Variants in BCKDHB observed in about 807,000 individuals in gnomAD.
The protein encoded by BCKDHB is 2-oxoisovalerate dehydrogenase subunit beta, mitochondrial.
In BCKDHB, 41 loss-of-function variants were observed where a neutral mutation model predicts 48.5. That is an observed-to-expected ratio of 0.85 (90% CI 0.66 to 1.10). The LOEUF is 1.10. BCKDHB is among the 50% of genes least tolerant of loss of function. The probability of loss-of-function intolerance (pLI) is 0.00; values close to 1 mark genes in which losing one functional copy is unlikely to be tolerated. For synonymous variants in BCKDHB, 201 were observed against 174.8 expected (o/e 1.15, Z -1.18); for missense variants, 496 against 494.2 (o/e 1.00, Z -0.03).
chr6:80,401,788 T>A, the BCKDHB span, among the ~76,000 whole-genome samples: 1 of 152,012 alleles, frequency 6.6e-6, no homozygotes, highest in Non-Finnish European at 1.5e-5. Context: ...CTTCTGTGAG[T>A]TTGAATATTT....
At chr6:80,235,714 C>T (rs1776121034) in intron 8 of BCKDHB, among the ~76,000 whole-genome samples, 1 of 152,184 alleles carries the variant, frequency 6.6e-6, no homozygotes, top group Admixed American at 6.5e-5. Context: ...TACCAATTCT[C>T]CTTGCAGTTG....
At chr6:80,309,428 CTTTTTCT>C (rs1768044660) in intron 9 of BCKDHB, among the ~76,000 whole-genome samples, 2 of 152,146 alleles carry the variant, frequency 1.3e-5, no homozygotes, top group Non-Finnish European at 2.9e-5. Context: ...ATTCTGTGTA[CTTTTTCT>C]GTCTCATACT....
intron 9 of BCKDHB, among the ~76,000 whole-genome samples, chr6:80,330,239 C>T (rs1769256110): frequency 6.6e-6 from 1 of 151,944 alleles, no homozygotes; most frequent in Non-Finnish European, 1.5e-5. Context: ...GGGACATGAT[C>T]AAAATGGCAC....
At chr6:80,439,359 G>A in the BCKDHB span, among the ~76,000 whole-genome samples, 1 of 152,142 alleles carries the variant, frequency 6.6e-6, no homozygotes, top group East Asian at 1.9e-4. Flanking sequence ...GCAAATCCAG[G>A]AGAAGATAGA....
intron 3 of BCKDHB, among the ~76,000 whole-genome samples, chr6:80,144,795 C>T (rs1771398283): frequency 6.6e-6 from 1 of 152,062 alleles, no homozygotes; most frequent in Non-Finnish European, 1.5e-5. Context: ...AAATTTGTTC[C>T]CAATTTTACC....
the BCKDHB span, among the ~76,000 whole-genome samples, chr6:80,393,808 CTT>C: frequency 5.9e-5 from 9 of 152,324 alleles, no homozygotes; most frequent in African/African-American, 2.2e-4. Flanking sequence ...TGAACCACTT[CTT>C]TCCTGGACCT....
chr6:80,174,463 C>A lies in BCKDHB; in HGVS notation c.742+3073C>A, dbSNP rs79211644. 9.3e-3 allele frequency among the ~76,000 whole-genome samples: 1,422 copies of A among 152,160 alleles called. 30 individuals are homozygous for A. The highest frequency in any genetic ancestry group is 0.033 in the African/African-American group (1,354 of 41,524). On this transcript the variant is annotated intron_variant, in intron 6 of 9. Coordinates refer to ENST00000320393, the MANE Select transcript of BCKDHB (RefSeq NM_183050.4). ...CAAGTCCCATGGCTGGCCTGTGGAA[C>A]GTGCATGTACAAAAAGTTGGCCCTC...
intron 8 of BCKDHB, among the ~76,000 whole-genome samples, chr6:80,215,480 A>G (rs1775127668): frequency 6.6e-6 from 1 of 152,208 alleles, no homozygotes; most frequent in Non-Finnish European, 1.5e-5. Context: ...TTTGTGTATT[A>G]TGTTCATTGC....
chr6:80,152,482 A>T (rs1304381210), intron 3 of BCKDHB, among the ~76,000 whole-genome samples: 1 of 152,154 alleles, frequency 6.6e-6, no homozygotes, highest in Non-Finnish European at 1.5e-5. Context: ...TTAAATAGTC[A>T]CTTAAATGAG....
chr6:80,361,113 ATC>A, the BCKDHB span, among the ~76,000 whole-genome samples: 1 of 152,054 alleles, frequency 6.6e-6, no homozygotes, highest in South Asian at 2.1e-4. Context: ...GCCTCCCGGT[ATC>A]TCTCTATCCT....
At chr6:80,341,792 G>A (rs1420672118) in intron 9 of BCKDHB, among the ~76,000 whole-genome samples, 2 of 152,128 alleles carry the variant, frequency 1.3e-5, no homozygotes, top group Non-Finnish European at 2.9e-5. Flanking sequence ...AGTATTCAGG[G>A]AAGATGGAAA....
chr6:80,316,271 C>T (rs1447141190), intron 9 of BCKDHB, among the ~76,000 whole-genome samples: 2 of 152,096 alleles, frequency 1.3e-5, no homozygotes, highest in African/African-American at 2.4e-5. Flanking sequence ...TTAAGCCATG[C>T]TTGTTTTAGA....
At chr6:80,187,927 C>G (rs1395800968) in intron 6 of BCKDHB, among the ~76,000 whole-genome samples, 1 of 152,040 alleles carries the variant, frequency 6.6e-6, no homozygotes, top group Non-Finnish European at 1.5e-5. Flanking sequence ...TGTGTTTTCT[C>G]AAAGAACTTA....
intron 1 of BCKDHB, 121 bp downstream of exon 1, chr6:80,107,010 A>C: frequency 1.6e-6 from 2 of 1,262,672 alleles, no homozygotes; most frequent in East Asian, 2.5e-5. Flanking sequence ...TAACTTCCTG[A>C]CTCTCTGGAA....
the BCKDHB span, chr6:80,440,678 C>T: frequency 2.0e-5 from 3 of 149,862 alleles, no homozygotes; most frequent in Non-Finnish European, 4.4e-5. Flanking sequence ...CATTGTTCTG[C>T]TTTCAGTTGA....
chr6:80,190,124 C>T (rs1429905078), intron 6 of BCKDHB, among the ~76,000 whole-genome samples: 1 of 152,006 alleles, frequency 6.6e-6, no homozygotes, highest in East Asian at 1.9e-4. Context: ...ATCACACCTG[C>T]TTTATGGAAT....
At chr6:80,182,193 C>G (rs1168579597) in intron 6 of BCKDHB, among the ~76,000 whole-genome samples, 1 of 152,096 alleles carries the variant, frequency 6.6e-6, no homozygotes, top group African/African-American at 2.4e-5. Flanking sequence ...GGCAATTATT[C>G]TATTTTGTGA....
chr6:80,186,358 A>T (rs1310664698), intron 6 of BCKDHB, among the ~76,000 whole-genome samples: 2 of 152,164 alleles, frequency 1.3e-5, no homozygotes, highest in African/African-American at 4.8e-5. Context: ...GAAAGCCGGC[A>T]GTGACAGGCC....
At chr6:80,323,974 G>A (rs1370402259) in intron 9 of BCKDHB, among the ~76,000 whole-genome samples, 3 of 152,020 alleles carry the variant, frequency 2.0e-5, no homozygotes, top group Non-Finnish European at 4.4e-5. Flanking sequence ...GGGTTTCACC[G>A]TGTTAGCCAG....
Sources: gnomAD v4.1 joint callset for allele counts (sites outside exome capture counted in the v4.1 genomes callset) on GRCh38, gnomAD v4.1.1 for gene constraint, MANE v1.5 for transcripts, NCBI Gene and HGNC (gene_info 2026-07-23, HGNC 2026-07-21) for gene names.